The following ZNF888 variants were observed in gnomAD, a reference collection of about 807,000 sequenced individuals.
The protein encoded by ZNF888 is zinc finger protein 888.
A neutral mutation model predicts 7.2 loss-of-function variants in ZNF888; 5 were observed. The ratio of observed to expected loss-of-function variants is 0.70; its 90% CI spans 0.36 to 1.46. The LOEUF (loss-of-function observed/expected upper bound fraction) is 1.46. Among genes scored for constraint, ZNF888 ranks in the 40% most tolerant of loss-of-function variants. The pLI is 0.03. For synonymous variants in ZNF888, 240 were observed against 284.3 expected, an observed-to-expected ratio of 0.84 and a Z score of 1.57; for missense variants, 716 against 858.0, an observed-to-expected ratio of 0.83 and a Z score of 2.07.
intron 1 of ZNF888, among the ~76,000 whole-genome samples, chr19:52,922,361 C>G (rs1385698939): frequency 6.6e-6 from 1 of 152,066 alleles, no homozygotes; most frequent in African/African-American, 2.4e-5. Flanking sequence ...GTCCTCCCTG[C>G]TGTGGTTCTC....
Position 52,906,672 on chromosome 19 carries a change from G to A in ZNF888, c.1650C>T (p.Tyr550=). The change falls in exon 5 of 5, where the codon TAC becomes TAT. Residue 550 remains tyrosine (Y), a synonymous_variant. Coordinates refer to ENST00000638862, the MANE Select transcript of ZNF888 (RefSeq NM_001393938.1). ...HKVIHTGEKR[Y]KCNECGKSFN... ...AACTTTTGCCACATTCATTACACTT[G>A]TAACGTTTCTCTCCAGTATGAATGA... is the stretch of plus-strand genomic sequence containing the variant. 1 of 1,613,892 alleles carries A rather than the reference G, an allele frequency of 6.2e-7. No individual in the cohort carries two copies. The highest frequency in any genetic ancestry group is 8.5e-7 in the Non-Finnish European group (1 of 1,179,856).
rs757185838 is a variant in ZNF888, at chr19:52,906,969, T to G, written c.1353A>C (p.Ser451=). The G allele has an allele frequency of 6.8e-6, 11 of 1,613,336 alleles. No homozygotes were observed. The highest frequency in any genetic ancestry group is 9.3e-6 in the Non-Finnish European group (11 of 1,179,542). The change falls in exon 5 of 5, where the codon TCA becomes TCC. Residue 451 remains serine, a synonymous_variant. Coordinates refer to ENST00000638862, the MANE Select transcript of ZNF888 (RefSeq NM_001393938.1). The stretch of plus-strand genomic sequence containing the variant: ...GAAGTCTATGATGACGTGCAAGGTT[T>G]GATTGTTGATTGAAAACCTTGCCAC... The part of the protein sequence containing the change: ...NECGKVFNQQ[S]NLARHHRLHT...
At chr19:52,911,539 C>A (rs2064678675) in intron 4 of ZNF888, among the ~76,000 whole-genome samples, 1 of 151,680 alleles carries the variant, frequency 6.6e-6, no homozygotes, top group African/African-American at 2.4e-5. Flanking sequence ...GGGGTTTCAC[C>A]ATGTCAGCCA....
At chr19:52,918,013 A>G in intron 2 of ZNF888, 82 bp from the exon 3 acceptor site, 2 of 1,534,060 alleles carry the variant, frequency 1.3e-6, no homozygotes, top group Non-Finnish European at 1.7e-6. Context: ...AAACAACGAC[A>G]CATACAAAGG....
chr19:52,922,887 C>A (rs2064838389), intron 1 of ZNF888, among the ~76,000 whole-genome samples: 1 of 148,262 alleles, frequency 6.7e-6, no homozygotes, highest in Non-Finnish European at 1.5e-5. Context: ...ACTTGGGGAG[C>A]AACAGGGCCC....
rs929736222 is a variant in ZNF888 at position 52,908,067 on chromosome 19, G to A, written c.255C>T (p.Cys85=). 4 of 1,614,126 alleles carry A rather than the reference G, an allele frequency of 2.5e-6. No homozygotes were observed. Among genetic ancestry groups the A allele is most frequent in the Non-Finnish European group, 2.5e-6 (3 of 1,180,014 alleles). The change falls in exon 5 of 5, where the codon TGC becomes TGT. Residue 85 remains cysteine, a synonymous_variant. Transcript: ENST00000638862. ...RLASHHIGEC[C]FQEIEKDIHD... is the part of the protein sequence containing the mutation. ...GAATGTCTTTCTCAATTTCCTGGAA[G>A]CAACATTCTCCAATGTGATGACTTG... is the stretch of plus-strand genomic sequence containing the variant.
chr19:52,912,271 G>C (rs1273092824), intron 4 of ZNF888, among the ~76,000 whole-genome samples: 1 of 147,042 alleles, frequency 6.8e-6, no homozygotes, highest in Non-Finnish European at 1.5e-5. Flanking sequence ...CTGCCACCGC[G>C]CCCGGCTAAT....
At chr19:52,918,227 T>C in intron 2 of ZNF888, 4 of 985,280 alleles carry the variant, frequency 4.1e-6, no homozygotes, top group Admixed American at 6.1e-5. Flanking sequence ...CGGTGGCTCA[T>C]GCCTATCATC....
rs182032282 is a variant in ZNF888 at position 52,909,373 on chromosome 19, G to A, written c.143-1194C>T. On this transcript the variant is annotated intron_variant, in intron 4 of 4. Coordinates refer to ENST00000638862, the MANE Select transcript of ZNF888 (RefSeq NM_001393938.1). ...AGCGAGTGTCTTGCCTCAGCCTCTT[G>A]AGTACCTGGGATTACAGGCACACAC... Among the ~76,000 whole-genome samples the A allele has an allele frequency of 3.8e-3, 567 of 151,146 alleles. 1 individual carries two copies. Among genetic ancestry groups the A allele is most frequent in the Middle Eastern group, 0.01 (3 of 292 alleles).
At chr19:52,911,193 A>G (rs1197565169) in intron 4 of ZNF888, among the ~76,000 whole-genome samples, 1 of 151,780 alleles carries the variant, frequency 6.6e-6, no homozygotes, top group Non-Finnish European at 1.5e-5. Flanking sequence ...TTTGGCATTT[A>G]GTATATTTGA....
intron 3 of ZNF888, among the ~76,000 whole-genome samples, chr19:52,915,880 G>T: frequency 6.6e-6 from 1 of 152,294 alleles, no homozygotes; most frequent in Non-Finnish European, 1.5e-5. Context: ...AATCAGTGCA[G>T]GGTTCCTGCT....
chr19:52,908,240 CG>C (rs2064635534), intron 4 of ZNF888, 61 bp from the exon 5 acceptor site: 1 of 1,471,794 alleles, frequency 6.8e-7, no homozygotes, highest in East Asian at 2.3e-5. Context: ...AATACTGAAA[CG>C]TGTAAATATG....
Position 52,905,969 on chromosome 19 carries a change from G to T in ZNF888, c.*196C>A. The T allele has an allele frequency of 1.1e-6, 1 of 902,792 alleles. No homozygotes were observed. Among genetic ancestry groups the T allele is most frequent in the Non-Finnish European group, 1.8e-6 (1 of 542,616 alleles). 55.9% of individuals were successfully genotyped at this position (902,792 alleles called of 1,614,324 possible). On this transcript the variant is annotated 3_prime_UTR_variant, in exon 5 of 5. Transcript: ENST00000638862. ...TCCTGTTTTGCATAGGATGAAGCTT[G>T]ACTGAAGACCTTGCCTCAATCATGA... is the stretch of plus-strand genomic sequence containing the variant.
rs141731370 is a variant in ZNF888 at position 52,907,903 on chromosome 19, C to A, written c.419G>T (p.Gly140Val). The A allele has an allele frequency of 2.8e-4, 454 of 1,614,118 alleles. 1 individual carries two copies. Among genetic ancestry groups the A allele is most frequent in the Non-Finnish European group, 3.6e-4 (421 of 1,180,028 alleles). The change falls in exon 5 of 5, where the codon GGA (glycine) becomes GTA (valine). Residue 140 changes from glycine to valine, a missense_variant. Physicochemically the swap from Gly to Val is moderately radical, Grantham distance 109. This residue lies in a region of ZNF888 where 697 missense variants were observed against 803.4 expected (regional missense o/e 0.87). Transcript: ENST00000638862. ...AGGCAGATGTGAATGAAAGCTTGAT[C>A]CAAGCTGATATTTAATAGGCTTGTT... is the stretch of plus-strand genomic sequence containing the variant. ...AGNKPIKYQL[G>V]SSFHSHLPEL...
In ZNF888 at chr19:52,905,740, A is replaced by T. The variant is rs541021184; in HGVS notation, c.*425T>A. The T allele has an allele frequency of 4.5e-5, 23 of 508,750 alleles. No individual in the cohort carries two copies. The highest frequency in any genetic ancestry group is 3.5e-4 in the South Asian group (22 of 62,320). 31.5% of individuals were successfully genotyped at this position (508,750 alleles called of 1,614,324 possible). A position where few individuals can be genotyped will look rare whatever the true frequency, so the allele number is the denominator to read the frequency against. The stretch of plus-strand genomic sequence containing the variant: ...TAATGCTTGATGGTTTGCTATACTC[A>T]TTGCATTCGGAACTATTATCTCAAA... On this transcript the variant is annotated 3_prime_UTR_variant, in exon 5 of 5. Transcript: ENST00000638862.
rs1568423836 is a variant in ZNF888, at chr19:52,920,517, GAAAAA to G, written c.-177-1585_-177-1581del. ...AAAAAAAAAAAAAAAAAAAAAAAAA[GAAAAA>G]AAAAGAAAAGGAAAAAAAAAAAAAA... On this transcript the variant is annotated intron_variant, in intron 1 of 4. Coordinates refer to ENST00000638862, the MANE Select transcript of ZNF888 (RefSeq NM_001393938.1). Among the ~76,000 whole-genome samples, 101 of 17,402 alleles carry G rather than the reference GAAAAA, an allele frequency of 5.8e-3. 10 individuals carry two copies. The highest frequency in any genetic ancestry group is 0.018 in the South Asian group (8 of 448). 11.4% of individuals were successfully genotyped at this position (17,402 alleles called of 152,430 possible). A position where few individuals can be genotyped will look rare whatever the true frequency, so the allele number is the denominator to read the frequency against.
chr19:52,910,460 G>A (rs77081745), intron 4 of ZNF888, among the ~76,000 whole-genome samples: 2,773 of 152,194 alleles, frequency 0.018, 86 homozygotes, highest in African/African-American at 0.063. Flanking sequence ...GAGAGAATGC[G>A]ACTACATCTC....
At chr19:52,922,879 T>C (rs186556945) in intron 1 of ZNF888, among the ~76,000 whole-genome samples, 397 of 151,024 alleles carry the variant, frequency 2.6e-3, no homozygotes, top group Middle Eastern at 0.017. Context: ...GAGGGGAGAC[T>C]TGGGGAGCAA....
intron 4 of ZNF888, among the ~76,000 whole-genome samples, chr19:52,912,206 C>T (rs551826983): frequency 1.2e-3 from 181 of 145,032 alleles, no homozygotes; most frequent in African/African-American, 4.5e-3. Context: ...CTCCGCCTCC[C>T]GGGTTAGCGC....
Sources: gnomAD v4.1 joint callset for allele counts (sites outside exome capture counted in the v4.1 genomes callset) on GRCh38, gnomAD v4.1.1 for gene constraint, gnomAD v4.1.1 regional missense constraint, MANE v1.5 for transcripts, NCBI Gene and HGNC (gene_info 2026-07-23, HGNC 2026-07-21) for gene names.